The following LMX1A variants were observed in gnomAD, a reference collection of about 807,000 sequenced individuals.
LMX1A encodes the protein LIM homeobox transcription factor 1-alpha.
LMX1A carries 15 observed loss-of-function variants against 49.1 expected under a neutral mutation model. That is an observed-to-expected ratio of 0.31 (90% CI 0.20 to 0.47). The LOEUF (loss-of-function observed/expected upper bound fraction) is 0.47. Ranked by LOEUF, LMX1A falls within the 20% of genes least tolerant of loss-of-function variation. The pLI is 1.00. For synonymous variants in LMX1A, 167 were observed against 185.7 expected (o/e 0.90, Z 0.82); for missense variants, 372 against 475.8 (o/e 0.78, Z 2.03).
chr1:165,206,093 C>T, intron 7 of LMX1A, 59 bp from the exon 8 acceptor site: 1 of 1,437,110 alleles, frequency 7.0e-7, no homozygotes, highest in Non-Finnish European at 9.4e-7. Flanking sequence ...TGTGATTTCC[C>T]TGGGTCCTGA....
chr1:165,355,825 C>G lies in LMX1A; in HGVS notation c.-22-244G>C, dbSNP rs964524739. 2 of 494,230 alleles carry G rather than the reference C, an allele frequency of 4.0e-6. No individual in the cohort carries two copies. The highest frequency in any genetic ancestry group is 7.2e-6 in the Non-Finnish European group (2 of 277,650). The allele number at this position is 494,230 out of a possible 1,614,324, so 30.6% of individuals were successfully genotyped here. ...TACTTAGGCCTCCGCCCCCCAACTG[C>G]GTTTCTCCTTCTCCTGCCCCCCTCA... On this transcript the variant is annotated intron_variant, in intron 1 of 8. Transcript: ENST00000342310. The surrounding 1 kb of genome is among the most constrained non-coding windows in gnomAD (Gnocchi z 4.7).
intron 3 of LMX1A, among the ~76,000 whole-genome samples, chr1:165,257,014 C>T (rs1008765340): frequency 6.6e-6 from 1 of 151,732 alleles, no homozygotes; most frequent in African/African-American, 2.4e-5. Flanking sequence ...ATTGTTAGAA[C>T]ATATTTCAGC....
chr1:165,255,574 G>A (rs1481280826), intron 3 of LMX1A, among the ~76,000 whole-genome samples: 1 of 152,218 alleles, frequency 6.6e-6, no homozygotes, highest in Admixed American at 6.5e-5. Flanking sequence ...TGTACATGGA[G>A]TACTTTGTGA....
chr1:165,244,541 G>T (rs929504391), intron 4 of LMX1A, among the ~76,000 whole-genome samples: 1 of 152,144 alleles, frequency 6.6e-6, no homozygotes, highest in Non-Finnish European at 1.5e-5. Flanking sequence ...GTCCACTGGA[G>T]AATTGCTTGG....
At chr1:165,223,493 G>A (rs1167987572) in intron 4 of LMX1A, among the ~76,000 whole-genome samples, 2 of 152,204 alleles carry the variant, frequency 1.3e-5, no homozygotes, top group African/African-American at 2.4e-5. Context: ...AGTAGGAGAA[G>A]ATGGTGAATA....
At chr1:165,327,296 C>G (rs1250894754) in intron 3 of LMX1A, among the ~76,000 whole-genome samples, 2 of 152,204 alleles carry the variant, frequency 1.3e-5, no homozygotes, top group African/African-American at 4.8e-5. Flanking sequence ...GCAACCCAAA[C>G]AATGGGCTAA....
rs1305281263 is a variant in LMX1A, at chr1:165,249,566, C to A, written c.338G>T (p.Ser113Ile). 19 of 1,614,066 alleles carry A rather than the reference C, an allele frequency of 1.2e-5. No homozygotes were observed. The highest frequency in any genetic ancestry group is 1.5e-5 in the Non-Finnish European group (18 of 1,180,034). ...PNEFVMRAQK[S>I]VYHLSCFCCC... is the part of the protein sequence containing the mutation. ...GCAGAAGCAGCTCAGGTGGTATACACTCTTCTGGGCCCGCATAACAAACTC... is the reference window on the plus strand; with the variant it reads ...GCAGAAGCAGCTCAGGTGGTATACAATCTTCTGGGCCCGCATAACAAACTC... The change falls in exon 4 of 9, where the codon AGT (serine) becomes ATT (isoleucine). Residue 113 changes from serine to isoleucine, a missense_variant. Around this residue, in one of 3 missense-constraint regions of LMX1A, gnomAD observed 199 missense variants for 244.0 expected, o/e 0.82. Coordinates refer to ENST00000342310, the MANE Select transcript of LMX1A (RefSeq NM_177398.4).
intron 4 of LMX1A, among the ~76,000 whole-genome samples, chr1:165,241,893 G>A (rs1242060665): frequency 1.3e-5 from 2 of 152,188 alleles, no homozygotes; most frequent in African/African-American, 4.8e-5. Flanking sequence ...AGAGGAGAAA[G>A]AGACGTATTA....
At chr1:165,303,830 G>A (rs1021987048) in intron 3 of LMX1A, among the ~76,000 whole-genome samples, 2 of 152,180 alleles carry the variant, frequency 1.3e-5, no homozygotes, top group African/African-American at 4.8e-5. Flanking sequence ...ATTCCAAGCT[G>A]TGGAGGCTGG....
intron 3 of LMX1A, among the ~76,000 whole-genome samples, chr1:165,279,243 C>G (rs947601884): frequency 2.6e-5 from 4 of 152,262 alleles, no homozygotes; most frequent in South Asian, 4.2e-4. Context: ...GAGAAATAAG[C>G]GGGTGGAGAC....
chr1:165,287,917 A>T (rs1654342785), intron 3 of LMX1A, among the ~76,000 whole-genome samples: 1 of 152,226 alleles, frequency 6.6e-6, no homozygotes, highest in Admixed American at 6.5e-5. Context: ...ACTTGTCCTG[A>T]GAGTGAGCTT....
intron 3 of LMX1A, among the ~76,000 whole-genome samples, chr1:165,261,093 A>G (rs1653425408): frequency 6.6e-6 from 1 of 152,202 alleles, no homozygotes; most frequent in Non-Finnish European, 1.5e-5. Flanking sequence ...TGTGCACAGA[A>G]GCTCAGGGTC....
intron 3 of LMX1A, among the ~76,000 whole-genome samples, chr1:165,332,643 T>C (rs1007160176): frequency 6.6e-6 from 1 of 152,100 alleles, no homozygotes; most frequent in Non-Finnish European, 1.5e-5. Flanking sequence ...CCAGAAGAAA[T>C]TGTGGAAAAG....
chr1:165,316,790 A>G (rs1169767902), intron 3 of LMX1A, among the ~76,000 whole-genome samples: 1 of 152,070 alleles, frequency 6.6e-6, no homozygotes, highest in Non-Finnish European at 1.5e-5. Flanking sequence ...GATGAGGAGG[A>G]GTTGGAAAGA....
chr1:165,237,551 A>G (rs1652495893), intron 4 of LMX1A, among the ~76,000 whole-genome samples: 1 of 152,158 alleles, frequency 6.6e-6, no homozygotes, highest in African/African-American at 2.4e-5. Context: ...CAATATGCAA[A>G]TCCCTGATCA....
intron 4 of LMX1A, among the ~76,000 whole-genome samples, chr1:165,221,159 T>C (rs1436785149): frequency 6.6e-6 from 1 of 152,028 alleles, no homozygotes; most frequent in Non-Finnish European, 1.5e-5. Context: ...CCTGCTTGAT[T>C]TGCCTCACGG....
intron 3 of LMX1A, among the ~76,000 whole-genome samples, chr1:165,338,266 C>A (rs1165239695): frequency 6.6e-6 from 1 of 152,150 alleles, no homozygotes; most frequent in African/African-American, 2.4e-5. Flanking sequence ...AGCTTCAGAA[C>A]CCTCTTTCTC....
At chr1:165,290,680 C>T (rs533021287) in intron 3 of LMX1A, among the ~76,000 whole-genome samples, 1 of 152,244 alleles carries the variant, frequency 6.6e-6, no homozygotes, top group Admixed American at 6.5e-5. Context: ...TAAAAAGACC[C>T]TATTGTACTC....
At chr1:165,302,155 AG>A (rs1408198264) in intron 3 of LMX1A, among the ~76,000 whole-genome samples, 1 of 138,682 alleles carries the variant, frequency 7.2e-6, no homozygotes, top group African/African-American at 2.7e-5. Context: ...GAAGAGAATG[AG>A]GCTGGGTGTG....
Sources: allele counts gnomAD v4.1 joint callset (sites outside exome capture counted in the v4.1 genomes callset), GRCh38; gene constraint gnomAD v4.1.1; regional missense constraint gnomAD v4.1.1; non-coding constraint Gnocchi (gnomAD v3.1); transcripts MANE v1.5; gene names NCBI Gene and HGNC (gene_info 2026-07-23, HGNC 2026-07-21).